Variants in L1TD1 observed in about 807,000 individuals in gnomAD.
The protein encoded by L1TD1 is LINE-1 type transposase domain-containing protein 1.
Under a neutral mutation model 25.7 loss-of-function variants are expected in L1TD1, and 26 were observed. The observed-to-expected ratio is 1.01, with a 90% CI of 0.74 to 1.40. The LOEUF (loss-of-function observed/expected upper bound fraction) is 1.40. Ranked by LOEUF, L1TD1 falls within the 40% of genes most tolerant of loss-of-function variation. L1TD1 has a pLI of 0.00. For synonymous variants in L1TD1, 421 were observed against 335.6 expected, an observed-to-expected ratio of 1.25 and a Z score of -2.78; for missense variants, 1,130 against 975.0, an observed-to-expected ratio of 1.16 and a Z score of -2.12.
chr1:62,197,007 C>G (rs1323216555), intron 2 of L1TD1, among the ~76,000 whole-genome samples: 1 of 152,062 alleles, frequency 6.6e-6, no homozygotes, highest in African/African-American at 2.4e-5. Context: ...GTGCTATTAG[C>G]AGAACCCACA....
rs1358914167 is a variant in L1TD1, at chr1:62,207,348, A to C, written c.720A>C (p.Gly240=). The C allele has an allele frequency of 6.4e-7, 1 of 1,551,554 alleles. No individual in the cohort carries two copies. The highest frequency in any genetic ancestry group is 8.7e-7 in the Non-Finnish European group (1 of 1,146,948). Residue 240 remains glycine (G), a synonymous_variant, in exon 3 of 4, where the codon GGA becomes GGC. Transcript: ENST00000498273. ...SREEKVLMDE[G]AVLTLVADLS... ...AAGAAAAAGTGTTGATGGATGAAGG[A>C]GCAGTACTTACCCTGGTAGCCGACC...
At chr1:62,205,801 A>T (rs1457310348) in intron 2 of L1TD1, among the ~76,000 whole-genome samples, 1 of 152,050 alleles carries the variant, frequency 6.6e-6, no homozygotes, top group Admixed American at 6.6e-5. Flanking sequence ...GCACAATCAC[A>T]GCTCACTGCA....
At chr1:62,201,763 C>T (rs1557441531) in intron 2 of L1TD1, among the ~76,000 whole-genome samples, 1 of 152,216 alleles carries the variant, frequency 6.6e-6, no homozygotes, top group South Asian at 2.1e-4. Context: ...ATTTAATAAT[C>T]AGTCCATATT....
In L1TD1 at chr1:62,207,027, A is replaced by G. The variant is rs80040845; in HGVS notation, c.399A>G (p.Leu133=). 1,690 of 1,613,556 alleles carry G rather than the reference A, an allele frequency of 1.0e-3. 19 individuals are homozygous for G. The African/African-American group carries it at 0.019, about 18-fold the overall frequency. ...NSKIGDDNEN[L]TFKLEVNELS... ...AAATAGGTGATGATAATGAAAATTT[A>G]ACCTTTAAATTAGAAGTAAATGAGC... Residue 133 remains leucine, a synonymous_variant, in exon 3 of 4, where the codon TTA becomes TTG. Transcript: ENST00000498273.
At chr1:62,195,712 A>G (rs780942496) in intron 1 of L1TD1, among the ~76,000 whole-genome samples, 5 of 151,958 alleles carry the variant, frequency 3.3e-5, no homozygotes, top group Non-Finnish European at 7.4e-5. Flanking sequence ...AGATCGCGCC[A>G]TTGCGCTCCA....
rs771632229 is a variant in L1TD1 at position 62,210,356 on chromosome 1, G to T, written c.1582G>T (p.Val528Leu). ...GAAGAAAAAGTTGGTGAAACACCAG[G>T]TGGTGCACAAAACCCAGGAGGAAGA... ...SGKKKLVKHQVVHKTQEEEET... is the reference protein window; with the variant it reads ...SGKKKLVKHQLVHKTQEEEET... The change falls in exon 4 of 4, where the codon GTG becomes TTG. Residue 528 changes from valine to leucine, a missense_variant. Physicochemically the swap from Val to Leu is conservative, Grantham distance 32. Transcript: ENST00000498273. 6.2e-7 allele frequency: 1 copy of T among 1,613,852 alleles called. No homozygotes were observed.
At chr1:62,202,972 C>T (rs1430065310) in intron 2 of L1TD1, among the ~76,000 whole-genome samples, 1 of 151,920 alleles carries the variant, frequency 6.6e-6, no homozygotes, top group African/African-American at 2.4e-5. Context: ...CATGAGCCAC[C>T]TCACCCAGCC....
rs1169759217 is a variant in L1TD1, at chr1:62,205,437, A to ATTTTTTTTTTTTTTTTTTT, written c.-110-1081_-110-1080insTTTTTTTTTTTTTTTTTTT. Among the ~76,000 whole-genome samples, 23 of 42,446 alleles carry ATTTTTTTTTTTTTTTTTTT rather than the reference A, an allele frequency of 5.4e-4. 1 individual carries two copies. Among genetic ancestry groups the ATTTTTTTTTTTTTTTTTTT allele is most frequent in the Non-Finnish European group, 6.9e-4 (15 of 21,824 alleles). 27.8% of individuals were successfully genotyped at this position (42,446 alleles called of 152,430 possible). ...TCTCTCTATATATATATATATATAT[A>ATTTTTTTTTTTTTTTTTTT]TATATATTTTTTTTTAGACAGTCTT... On this transcript the variant is annotated intron_variant, in intron 2 of 3. Transcript: ENST00000498273.
rs1570929289 is a variant in L1TD1 at position 62,207,461 on chromosome 1, G to A, written c.833G>A (p.Cys278Tyr). Reference sequence around the variant, plus strand: ...AATGATTTTGAACCTAAATTTCTGTGTGAAGTTAAATTAGCATTTAAATGT... The same window carrying A: ...AATGATTTTGAACCTAAATTTCTGTATGAAGTTAAATTAGCATTTAAATGT... Reference protein sequence around the residue: ...RENDFEPKFLCEVKLAFKCDG... With the variant: ...RENDFEPKFLYEVKLAFKCDG... Residue 278 changes from cysteine (C) to tyrosine (Y), a missense_variant, in exon 3 of 4, where the codon TGT (cysteine) becomes TAT (tyrosine). Cys to Tyr is a radical substitution (Grantham distance 194). Coordinates refer to ENST00000498273, the MANE Select transcript of L1TD1 (RefSeq NM_019079.5). 6.4e-7 allele frequency: 1 copy of A among 1,551,118 alleles called. No individual in the cohort carries two copies. The highest frequency in any genetic ancestry group is 1.4e-5 in the African/African-American group (1 of 73,160).
chr1:62,204,292 TTTA>T, intron 2 of L1TD1, among the ~76,000 whole-genome samples: 1 of 152,242 alleles, frequency 6.6e-6, no homozygotes, highest in Non-Finnish European at 1.5e-5. Flanking sequence ...GTAATTTAAC[TTTA>T]ATTTTTATTC....
chr1:62,198,335 C>T (rs549991240), intron 2 of L1TD1, among the ~76,000 whole-genome samples: 15 of 150,664 alleles, frequency 1.0e-4, no homozygotes, highest in African/African-American at 3.4e-4. Flanking sequence ...AAAAAAAAAG[C>T]AAAAACACAA....
At chr1:62,209,600 A>C (rs1670817113) in intron 3 of L1TD1, among the ~76,000 whole-genome samples, 183 bp from the exon 4 acceptor site, 2 of 152,184 alleles carry the variant, frequency 1.3e-5, no homozygotes, top group African/African-American at 4.8e-5. Flanking sequence ...AGATGATCAT[A>C]GGGAGACTTG....
chr1:62,209,121 A>G (rs17123184), intron 3 of L1TD1, among the ~76,000 whole-genome samples: 19,972 of 151,994 alleles, frequency 0.13, 1,626 homozygotes, highest in African/African-American at 0.22. Flanking sequence ...AAAATCCTGG[A>G]GTGATGCTGC....
Position 62,211,163 on chromosome 1 carries a change from TCACTGGACA to T in L1TD1, c.2397_2405del (p.Thr800_Asp802del), listed in dbSNP as rs1670861835. 11 of 1,551,198 alleles carry T rather than the reference TCACTGGACA, an allele frequency of 7.1e-6. No individual in the cohort carries two copies. The highest frequency in any genetic ancestry group is 8.7e-6 in the Non-Finnish European group (10 of 1,146,920). ...AAGAATCAGGTTGACAGCAGACTTA[TCACTGGACA>T]CACTGGATGCTAGAAGTAAATGGAG... is the stretch of plus-strand genomic sequence containing the variant. On this transcript the variant is annotated inframe_deletion, in exon 4 of 4. Coordinates refer to ENST00000498273, the MANE Select transcript of L1TD1 (RefSeq NM_019079.5).
At chr1:62,205,431 A>ATTTTTT (rs1311867098) in intron 2 of L1TD1, among the ~76,000 whole-genome samples, 3 of 36,312 alleles carry the variant, frequency 8.3e-5, no homozygotes, top group Admixed American at 3.1e-4. Flanking sequence ...ATATATATAT[A>ATTTTTT]TATATATATA....
Position 62,207,610 on chromosome 1 carries a change from AG to A in L1TD1, c.983del (p.Arg328LysfsTer13). On this transcript the variant is annotated frameshift_variant, in exon 3 of 4. Transcript: ENST00000498273. LOFTEE classifies it low-confidence loss of function (END_TRUNC). ...PQKEEINQGG[R>X]KYGIQEKRDK... ...AAAGGAAGAAATAAATCAAGGAGGA[AG>A]AAAATATGGAATTCAAGAAAAAAGG... is the stretch of plus-strand genomic sequence containing the variant. 3 of 1,539,138 alleles carry A rather than the reference AG, an allele frequency of 1.9e-6. No homozygotes were observed. The South Asian group carries it at 3.7e-5, about 19-fold the overall frequency.
At chr1:62,195,109 C>CGGGGT (rs1470858214) in intron 1 of L1TD1, among the ~76,000 whole-genome samples, 188 bp downstream of exon 1, 2 of 151,596 alleles carry the variant, frequency 1.3e-5, no homozygotes, top group Non-Finnish European at 2.9e-5. Context: ...GCGTGGGGTC[C>CGGGGT]GCAGCGCCCC....
In L1TD1 at chr1:62,207,176, A is replaced by G. The variant is rs773253339; in HGVS notation, c.548A>G (p.Asp183Gly). 6.4e-7 allele frequency: 1 copy of G among 1,554,424 alleles called. No individual in the cohort carries two copies. The change falls in exon 3 of 4, where the codon GAC becomes GGC. Residue 183 changes from aspartate to glycine, a missense_variant. Transcript: ENST00000498273. ...GAAGAAACCTTATGCAATATAGATG[A>G]CAGAGATGGAAATCGCAATGTCCAT... is the stretch of plus-strand genomic sequence containing the variant. The part of the protein sequence containing the change: ...SMEETLCNID[D>G]RDGNRNVHLE...
Position 62,211,155 on chromosome 1 carries a change from C to T in L1TD1, c.2381C>T (p.Ala794Val). 2 of 1,550,366 alleles carry T rather than the reference C, an allele frequency of 1.3e-6. No homozygotes were observed. Among genetic ancestry groups the T allele is most frequent in the Non-Finnish European group, 1.7e-6 (2 of 1,146,662 alleles). ...CAAGGAACAAGAATCAGGTTGACAG[C>T]AGACTTATCACTGGACACACTGGAT... ...TYQGTRIRLT[A>V]DLSLDTLDAR... Residue 794 changes from alanine (A) to valine (V), a missense_variant, in exon 4 of 4, where the codon GCA becomes GTA. Transcript: ENST00000498273.
Sources: gnomAD v4.1 joint callset for allele counts (sites outside exome capture counted in the v4.1 genomes callset) on GRCh38, gnomAD v4.1.1 for gene constraint, MANE v1.5 for transcripts, NCBI Gene and HGNC (gene_info 2026-07-23, HGNC 2026-07-21) for gene names.